The following HDAC9 variants were observed in gnomAD, a reference collection of about 807,000 sequenced individuals.
The protein encoded by HDAC9 is MEF-2 interacting transcription repressor (MITR) protein.
In HDAC9, 41 loss-of-function variants were observed where a neutral mutation model predicts 139.4. That is an observed-to-expected ratio of 0.29 (90% CI 0.23 to 0.38). HDAC9 has a LOEUF of 0.38. HDAC9 is among the 10% of genes least tolerant of loss of function. The pLI is 1.00. For synonymous variants in HDAC9, 517 were observed against 476.2 expected (o/e 1.09, Z -1.12); for missense variants, 1,147 against 1,297.0 (o/e 0.88, Z 1.78).
At chr7:18,954,347 C>A in intron 24 of HDAC9, 117 bp downstream of exon 24, 1 of 819,692 alleles carries the variant, frequency 1.2e-6, no homozygotes, top group Non-Finnish European at 1.9e-6. Flanking sequence ...CACATGCGTT[C>A]TTAAGTATAT....
intron 22 of HDAC9, among the ~76,000 whole-genome samples, chr7:18,901,727 G>A (rs1272778443): frequency 6.6e-6 from 1 of 152,094 alleles, no homozygotes; most frequent in African/African-American, 2.4e-5. Flanking sequence ...CATCCAATAG[G>A]ATTGTTTTCA....
chr7:18,874,331 C>T (rs151036519), intron 21 of HDAC9, 147 bp from the exon 22 acceptor site: 38 of 441,970 alleles, frequency 8.6e-5, no homozygotes, highest in East Asian at 8.3e-4. Context: ...GGAAATGATA[C>T]GCTTTTGTCC....
chr7:18,757,282 A>G (rs1040327653), intron 14 of HDAC9, among the ~76,000 whole-genome samples: 11 of 152,280 alleles, frequency 7.2e-5, no homozygotes, highest in Middle Eastern at 3.4e-3. Flanking sequence ...ATTTAGAGAC[A>G]ATGGATGAAA....
intron 22 of HDAC9, among the ~76,000 whole-genome samples, chr7:18,910,923 T>C (rs1802684780): frequency 6.6e-6 from 1 of 151,912 alleles, no homozygotes; most frequent in South Asian, 2.1e-4. Context: ...TTTTGTTTTG[T>C]CCTTATTTGG....
At chr7:18,919,597 G>C (rs2129295172) in intron 22 of HDAC9, among the ~76,000 whole-genome samples, 1 of 151,944 alleles carries the variant, frequency 6.6e-6, no homozygotes, top group East Asian at 1.9e-4. Context: ...ATTTCACAGG[G>C]ATTAAAGGGA....
intron 1 of HDAC9, among the ~76,000 whole-genome samples, chr7:18,118,437 A>G (rs1481301557): frequency 6.6e-6 from 1 of 152,218 alleles, no homozygotes; most frequent in African/African-American, 2.4e-5. Flanking sequence ...TGTATAGAAC[A>G]TAGAAATTTT....
At chr7:18,768,479 C>T (rs998279642) in intron 16 of HDAC9, among the ~76,000 whole-genome samples, 4 of 152,116 alleles carry the variant, frequency 2.6e-5, no homozygotes, top group Non-Finnish European at 4.4e-5. Flanking sequence ...AGTCATCAAT[C>T]CCACATTAAT....
chr7:18,150,933 G>C (rs895799312), intron 1 of HDAC9, among the ~76,000 whole-genome samples: 2 of 152,170 alleles, frequency 1.3e-5, no homozygotes, highest in African/African-American at 4.8e-5. Flanking sequence ...ATAACTAGGA[G>C]CTGATATGAT....
At chr7:18,153,825 A>G (rs753213835) in intron 1 of HDAC9, among the ~76,000 whole-genome samples, 1 of 152,092 alleles carries the variant, frequency 6.6e-6, no homozygotes, top group Non-Finnish European at 1.5e-5. Flanking sequence ...GGCCCTGGTG[A>G]CTTAAGACTC....
chr7:18,502,088 A>G (rs1173129934), intron 2 of HDAC9, among the ~76,000 whole-genome samples: 1 of 152,176 alleles, frequency 6.6e-6, no homozygotes, highest in Non-Finnish European at 1.5e-5. Context: ...ACTGACTTGT[A>G]GCAGTTCCAA....
intron 2 of HDAC9, among the ~76,000 whole-genome samples, chr7:18,253,082 C>T (rs1353808131): frequency 6.6e-6 from 1 of 152,114 alleles, no homozygotes; most frequent in Admixed American, 6.6e-5. Flanking sequence ...AATGACATGA[C>T]CTTGTTCTTT....
intron 12 of HDAC9, among the ~76,000 whole-genome samples, chr7:18,712,903 G>C (rs973815699): frequency 7.2e-5 from 11 of 152,150 alleles, no homozygotes; most frequent in Non-Finnish European, 1.6e-4. Context: ...CTATTTTAGT[G>C]AGATTTACTT....
intron 25 of HDAC9, among the ~76,000 whole-genome samples, chr7:18,991,860 A>C: frequency 6.6e-6 from 1 of 152,218 alleles, no homozygotes; most frequent in East Asian, 1.9e-4. Context: ...TTAGAATATA[A>C]GGTCAATGGA....
intron 1 of HDAC9, among the ~76,000 whole-genome samples, chr7:18,293,314 T>G (rs1274751544): frequency 2.0e-5 from 3 of 152,134 alleles, no homozygotes; most frequent in African/African-American, 7.2e-5. Flanking sequence ...GATTCTTTTT[T>G]TTTTTTATTA....
intron 1 of HDAC9, among the ~76,000 whole-genome samples, chr7:18,159,856 A>G (rs1467314169): frequency 1.3e-5 from 2 of 152,218 alleles, no homozygotes; most frequent in African/African-American, 4.8e-5. Context: ...GGAGGCAGTT[A>G]TTAAAAAGAC....
At chr7:18,702,990 A>G (rs540535211) in intron 12 of HDAC9, among the ~76,000 whole-genome samples, 2 of 152,246 alleles carry the variant, frequency 1.3e-5, no homozygotes, top group Non-Finnish European at 1.5e-5. Context: ...CACACATATT[A>G]TATGAATCCT....
chr7:18,691,603 A>G (rs1782679442), intron 12 of HDAC9, among the ~76,000 whole-genome samples: 1 of 152,044 alleles, frequency 6.6e-6, no homozygotes, highest in African/African-American at 2.4e-5. Flanking sequence ...TTGACCTCCA[A>G]TTGCTCTTTA....
intron 2 of HDAC9, among the ~76,000 whole-genome samples, chr7:18,271,558 T>C (rs1796356723): frequency 6.6e-6 from 1 of 152,216 alleles, no homozygotes; most frequent in Non-Finnish European, 1.5e-5. Context: ...AGACTAACTT[T>C]GAATCTTAGA....
At chr7:18,745,203 G>A (rs953128281) in intron 13 of HDAC9, among the ~76,000 whole-genome samples, 9 of 152,044 alleles carry the variant, frequency 5.9e-5, no homozygotes, top group African/African-American at 2.2e-4. Flanking sequence ...GAAGGATGAG[G>A]TTAAAGTTTC....
Sources: gnomAD v4.1 joint callset for allele counts (sites outside exome capture counted in the v4.1 genomes callset) on GRCh38, gnomAD v4.1.1 for gene constraint, MANE v1.5 for transcripts, NCBI Gene and HGNC (gene_info 2026-07-23, HGNC 2026-07-21) for gene names.